The following RGS9 variants were observed in gnomAD, a reference collection of about 807,000 sequenced individuals.
The protein encoded by RGS9 is regulator of G protein signaling 9, also known as regulator of G-protein signalling 9.
A neutral mutation model predicts 102.0 loss-of-function variants in RGS9; 78 were observed. The observed-to-expected ratio is 0.76, with a 90% CI of 0.64 to 0.92. RGS9 has a LOEUF of 0.92. Among genes scored for constraint, RGS9 ranks in the 40% least tolerant of loss-of-function variants. The probability of loss-of-function intolerance (pLI) is 0.00; values close to 1 mark genes in which losing one functional copy is unlikely to be tolerated. For synonymous variants in RGS9, 353 were observed against 318.6 expected (o/e 1.11, Z -1.15); for missense variants, 833 against 866.1 (o/e 0.96, Z 0.48).
intron 18 of RGS9, among the ~76,000 whole-genome samples, chr17:65,226,137 G>C (rs540961782): frequency 3.9e-5 from 6 of 152,376 alleles, no homozygotes; most frequent in Non-Finnish European, 4.4e-5. Flanking sequence ...ACAGGCCAGA[G>C]GGGGCAGAAC....
chr17:65,161,027 T>G (rs538579485), intron 6 of RGS9, 118 bp downstream of exon 6: 5 of 834,964 alleles, frequency 6.0e-6, no homozygotes, highest in South Asian at 5.7e-5. Context: ...ATGCAATCCA[T>G]CCAGCCAGCC....
In RGS9 at chr17:65,168,226, A is replaced by G; in HGVS notation, c.527A>G (p.Asp176Gly). ...GCTGGAAAGGAGAGGAACAAAGCAG[A>G]CAGATATGCCCTGGACTGCCAGGAG... ...YRAGKERNKA[D>G]RYALDCQEKA... is the part of the protein sequence containing the mutation. Residue 176 changes from aspartate to glycine, a missense_variant, in exon 8 of 19, where the codon GAC becomes GGC. By Grantham distance (94) the Asp-to-Gly change is moderately conservative. Coordinates refer to ENST00000262406, the MANE Select transcript of RGS9 (RefSeq NM_003835.4). The G allele has an allele frequency of 6.2e-7, 1 of 1,611,504 alleles. No homozygotes were observed. Among genetic ancestry groups the G allele is most frequent in the Non-Finnish European group, 8.5e-7 (1 of 1,178,968 alleles).
intron 15 of RGS9, 150 bp downstream of exon 15, chr17:65,204,451 C>A: frequency 1.0e-6 from 1 of 964,840 alleles, no homozygotes; most frequent in Non-Finnish European, 1.6e-6. Context: ...GGGCTCATGT[C>A]TGTAATCCCA....
intron 17 of RGS9, among the ~76,000 whole-genome samples, chr17:65,218,532 A>G (rs922991537): frequency 6.6e-6 from 1 of 152,192 alleles, no homozygotes; most frequent in African/African-American, 2.4e-5. Context: ...CATAGTTTTG[A>G]TATTTTAGCT....
intron 17 of RGS9, among the ~76,000 whole-genome samples, chr17:65,222,536 C>T (rs541244285): frequency 2.6e-5 from 4 of 152,304 alleles, no homozygotes; most frequent in East Asian, 3.9e-4. Context: ...CTGTGGGCCT[C>T]AATGTTCTGT....
chr17:65,158,374 C>A (rs762407359), intron 3 of RGS9, 29 bp downstream of exon 3: 2 of 1,606,212 alleles, frequency 1.2e-6, no homozygotes, highest in African/African-American at 2.7e-5. Flanking sequence ...CTCAGTTATC[C>A]GGGACAGCTT....
At chr17:65,170,980 C>A (rs1030022765) in intron 8 of RGS9, among the ~76,000 whole-genome samples, 3 of 152,134 alleles carry the variant, frequency 2.0e-5, no homozygotes, top group African/African-American at 4.8e-5. Flanking sequence ...GCTCAGGAAG[C>A]CCCGGAGCTC....
Position 65,158,205 on chromosome 17 carries a change from C to A in RGS9, c.155-90C>A. On this transcript the variant is annotated intron_variant, in intron 2 of 18. Coordinates refer to ENST00000262406, the MANE Select transcript of RGS9 (RefSeq NM_003835.4). ...GAAGAGGAATGAAATCGCAGCTGAA[C>A]GGGAAGGAGACCAGTCAGGCAACAG... 5 of 1,207,360 alleles carry A rather than the reference C, an allele frequency of 4.1e-6. 1 individual carries two copies. In the South Asian group the frequency reaches 6.0e-5, roughly 15 times the overall value. 74.8% of individuals were successfully genotyped at this position (1,207,360 alleles called of 1,614,324 possible). A position where few individuals can be genotyped will look rare whatever the true frequency, so the allele number is the denominator to read the frequency against.
intron 8 of RGS9, among the ~76,000 whole-genome samples, chr17:65,174,616 C>T (rs1368637767): frequency 6.6e-6 from 1 of 151,652 alleles, no homozygotes; most frequent in African/African-American, 2.4e-5. Context: ...TTTGTGCATG[C>T]ATGTAAACAT....
At chr17:65,159,898 A>G (rs1910912443) in intron 3 of RGS9, among the ~76,000 whole-genome samples, 1 of 152,174 alleles carries the variant, frequency 6.6e-6, no homozygotes, top group African/African-American at 2.4e-5. Context: ...CCCAGACCCA[A>G]AGGGCCTATA....
At chr17:65,207,089 C>T (rs1913091163) in intron 15 of RGS9, among the ~76,000 whole-genome samples, 1 of 152,138 alleles carries the variant, frequency 6.6e-6, no homozygotes, top group South Asian at 2.1e-4. Flanking sequence ...TGCCCAGAGT[C>T]CCAGTAAACA....
intron 14 of RGS9, among the ~76,000 whole-genome samples, chr17:65,203,374 C>G (rs751408286): frequency 1.6e-4 from 24 of 152,150 alleles, no homozygotes; most frequent in Non-Finnish European, 3.1e-4. Flanking sequence ...CACACAGTGA[C>G]GCACACACAA....
chr17:65,146,646 G>A (rs1468686762), intron 1 of RGS9, among the ~76,000 whole-genome samples: 1 of 151,604 alleles, frequency 6.6e-6, no homozygotes, highest in African/African-American at 2.4e-5. Context: ...TGTAATCCCA[G>A]CACTTTGGGA....
intron 8 of RGS9, among the ~76,000 whole-genome samples, 190 bp downstream of exon 8, chr17:65,168,471 G>A (rs1424285244): frequency 6.6e-6 from 1 of 151,634 alleles, no homozygotes; most frequent in African/African-American, 2.4e-5. Context: ...CCTGGATGGG[G>A]TCTGCTCATG....
chr17:65,208,298 C>T lies in RGS9; in HGVS notation c.1289+291C>T, dbSNP rs188065972. The stretch of plus-strand genomic sequence containing the variant: ...ACCCTTATCACAAATGGAAGCTTCT[C>T]CTTGGTTTTTTAACTGCTACTCGTT... On this transcript the variant is annotated intron_variant, in intron 16 of 18. Coordinates refer to ENST00000262406, the MANE Select transcript of RGS9 (RefSeq NM_003835.4). Among the ~76,000 whole-genome samples the T allele has an allele frequency of 2.6e-5, 4 of 152,254 alleles. No individual in the cohort carries two copies. The East Asian group carries it at 7.7e-4, about 29-fold the overall frequency.
At chr17:65,158,498 C>G (rs1346202302) in intron 3 of RGS9, 153 bp downstream of exon 3, 1 of 771,388 alleles carries the variant, frequency 1.3e-6, no homozygotes, top group Non-Finnish European at 2.3e-6. Flanking sequence ...GAATCAAAAG[C>G]AAAGGCAGGA....
chr17:65,143,950 A>AG (rs397952471), intron 1 of RGS9, among the ~76,000 whole-genome samples: 13 of 151,048 alleles, frequency 8.6e-5, no homozygotes, highest in African/African-American at 3.2e-4. Context: ...AAAAAAAAAA[A>AG]GGAAACAAAA....
intron 8 of RGS9, among the ~76,000 whole-genome samples, chr17:65,169,963 T>C (rs1182678166): frequency 6.6e-6 from 1 of 151,848 alleles, no homozygotes; most frequent in Non-Finnish European, 1.5e-5. Flanking sequence ...TCTTCATCAC[T>C]GTGGTCACTG....
chr17:65,206,987 G>T (rs962579580), intron 15 of RGS9, among the ~76,000 whole-genome samples: 5 of 152,176 alleles, frequency 3.3e-5, no homozygotes, highest in Non-Finnish European at 7.3e-5. Context: ...TCAATCCCTG[G>T]TTTGTTGCAG....
Sources: gnomAD v4.1 joint callset for allele counts (sites outside exome capture counted in the v4.1 genomes callset) on GRCh38, gnomAD v4.1.1 for gene constraint, MANE v1.5 for transcripts, NCBI Gene and HGNC (gene_info 2026-07-23, HGNC 2026-07-21) for gene names.